The following TESK2 variants were observed in gnomAD, a reference collection of about 807,000 sequenced individuals.
TESK2 encodes the protein testis associated actin remodelling kinase 2.
In TESK2, 39 loss-of-function variants were observed where a neutral mutation model predicts 57.1. The observed-to-expected ratio is 0.68, with a 90% CI of 0.53 to 0.89. The LOEUF is 0.89. TESK2 is among the 40% of genes least tolerant of loss of function. TESK2 has a pLI of 0.00. For missense variants in TESK2, 646 were observed against 732.1 expected, an observed-to-expected ratio of 0.88 and a Z score of 1.36; for synonymous variants, 249 against 267.9, an observed-to-expected ratio of 0.93 and a Z score of 0.69.
chr1:45,424,705 A>C (rs1343668913), intron 2 of TESK2, among the ~76,000 whole-genome samples: 2 of 152,200 alleles, frequency 1.3e-5, no homozygotes, highest in African/African-American at 2.4e-5. Context: ...AACCCATGAA[A>C]AGATCATTCA....
At chr1:45,451,166 A>G (rs962868524) in intron 2 of TESK2, among the ~76,000 whole-genome samples, 1 of 152,096 alleles carries the variant, frequency 6.6e-6, no homozygotes, top group African/African-American at 2.4e-5. Context: ...GGGAGCTGTT[A>G]ATTATTCTAA....
chr1:45,344,185 T>C lies in TESK2; in HGVS notation c.*655A>G, dbSNP rs539949694. On this transcript the variant is annotated 3_prime_UTR_variant, in exon 11 of 11. Coordinates refer to ENST00000372086, the MANE Select transcript of TESK2 (RefSeq NM_007170.3). The stretch of plus-strand genomic sequence containing the variant: ...CCCAACCACAAGGTTGAAAGTCTTA[T>C]GGGGCAGAACATTAAGACTCCTTTA... 7.4e-5 allele frequency: 12 copies of C among 161,656 alleles called. No individual in the cohort carries two copies. In the South Asian group the frequency reaches 1.4e-3, roughly 18 times the overall value. The allele number at this position is 161,656 out of a possible 1,614,324, so 10.0% of individuals were successfully genotyped here.
At chr1:45,346,248 T>A (rs1482778841) in intron 9 of TESK2, among the ~76,000 whole-genome samples, 1 of 152,220 alleles carries the variant, frequency 6.6e-6, no homozygotes, top group Non-Finnish European at 1.5e-5. Flanking sequence ...ATTAGTTTAT[T>A]CTGTTCTTGA....
intron 4 of TESK2, among the ~76,000 whole-genome samples, chr1:45,384,100 G>A (rs1307934727): frequency 6.6e-6 from 1 of 152,104 alleles, no homozygotes; most frequent in Non-Finnish European, 1.5e-5. Context: ...TACTAAATAA[G>A]TATTTTATAT....
In TESK2 at chr1:45,462,247, C is replaced by A. The variant is rs373510054; in HGVS notation, c.-86-4376G>T. 3.3e-5 allele frequency among the ~76,000 whole-genome samples: 5 copies of A among 152,002 alleles called. No homozygotes were observed. In the South Asian group the frequency reaches 6.3e-4, roughly 19 times the overall value. ...TTAACATGATGTCCTCAAGTTCCAT[C>A]CATGCTGTTGCAAAAAAAGGGATCT... On this transcript the variant is annotated intron_variant, in intron 1 of 10. Transcript: ENST00000372086.
intron 1 of TESK2, among the ~76,000 whole-genome samples, chr1:45,468,629 T>C (rs1474324512): frequency 6.6e-6 from 1 of 152,208 alleles, no homozygotes; most frequent in Non-Finnish European, 1.5e-5. Context: ...TGGTCTTATA[T>C]ATTGAGTATT....
At chr1:45,366,520 C>G (rs541869730) in intron 4 of TESK2, among the ~76,000 whole-genome samples, 6 of 152,198 alleles carry the variant, frequency 3.9e-5, no homozygotes, top group Admixed American at 2.0e-4. Context: ...ATTGCTTGAG[C>G]CCAGGAGTTC....
At chr1:45,355,541 G>A in intron 4 of TESK2, 92 bp from the exon 5 acceptor site, 2 of 1,446,606 alleles carry the variant, frequency 1.4e-6, no homozygotes, top group Non-Finnish European at 1.9e-6. Flanking sequence ...GGAAGAGAGA[G>A]ACTGTATTTT....
In TESK2 at chr1:45,355,308, A is replaced by G. The variant is rs377671405; in HGVS notation, c.535T>C (p.Ser179Pro). The change falls in exon 5 of 11, where the codon TCT (serine) becomes CCT (proline). Residue 179 changes from serine (S) to proline (P), a missense_variant. Coordinates refer to ENST00000372086, the MANE Select transcript of TESK2 (RefSeq NM_007170.3). ...FKGIFHRDLTSKNCLIKRDEN... is the reference protein window; with the variant it reads ...FKGIFHRDLTPKNCLIKRDEN... ...TGAGAGTAAAGCCTTCATACCTTAG[A>G]TGTGAGGTCCCGATGAAAAATGCCT... The G allele has an allele frequency of 3.7e-6, 6 of 1,613,926 alleles. No individual in the cohort carries two copies. In the African/African-American group the frequency reaches 8.0e-5, roughly 22 times the overall value.
rs567347054 is a variant in TESK2 at position 45,361,272 on chromosome 1, G to A, written c.394-5823C>T. Among the ~76,000 whole-genome samples, 5 of 152,324 alleles carry A rather than the reference G, an allele frequency of 3.3e-5. No homozygotes were observed. The South Asian group carries it at 6.2e-4, about 19-fold the overall frequency. On this transcript the variant is annotated intron_variant, in intron 4 of 10. Transcript: ENST00000372086. Reference sequence around the variant, plus strand: ...CTGCATTAGCATGTTCAGCTTTCCCGGATGGGGATAACAGCTGCTTTGCTT... The same window carrying A: ...CTGCATTAGCATGTTCAGCTTTCCCAGATGGGGATAACAGCTGCTTTGCTT...
intron 10 of TESK2, 134 bp downstream of exon 10, chr1:45,345,735 CAGTACTTT>C (rs1647133080): frequency 3.3e-6 from 3 of 898,648 alleles, no homozygotes; most frequent in African/African-American, 1.7e-5. Context: ...TTAAAAAGGC[CAGTACTTT>C]CTGCATCATC....
chr1:45,389,485 C>T (rs1344365854), intron 3 of TESK2, among the ~76,000 whole-genome samples: 1 of 152,198 alleles, frequency 6.6e-6, no homozygotes, highest in Non-Finnish European at 1.5e-5. Context: ...CCCTGAGCCA[C>T]TTCGGGACTC....
intron 1 of TESK2, among the ~76,000 whole-genome samples, chr1:45,458,973 C>T (rs1473759844): frequency 6.6e-6 from 1 of 152,138 alleles, no homozygotes; most frequent in Non-Finnish European, 1.5e-5. Flanking sequence ...TAGTGAAATG[C>T]TTTCATAAAG....
intron 2 of TESK2, among the ~76,000 whole-genome samples, chr1:45,453,445 G>T (rs1651956996): frequency 1.3e-5 from 2 of 151,882 alleles, no homozygotes; most frequent in South Asian, 2.1e-4. Context: ...ATGGGGAAAG[G>T]ACAGTCTTTT....
At chr1:45,489,186 C>G (rs981777783) in intron 1 of TESK2, among the ~76,000 whole-genome samples, 1 of 151,788 alleles carries the variant, frequency 6.6e-6, no homozygotes, top group Non-Finnish European at 1.5e-5. Context: ...CTCGAAAGCA[C>G]GTGACATTGA....
intron 1 of TESK2, among the ~76,000 whole-genome samples, chr1:45,458,495 G>A (rs929781770): frequency 6.6e-6 from 1 of 151,716 alleles, no homozygotes; most frequent in East Asian, 1.9e-4. Context: ...AACCCAGGAC[G>A]CAGGGGTTGC....
At chr1:45,443,892 T>C (rs1651546262) in intron 2 of TESK2, among the ~76,000 whole-genome samples, 1 of 152,080 alleles carries the variant, frequency 6.6e-6, no homozygotes, top group Non-Finnish European at 1.5e-5. Context: ...ATCTTAGGCT[T>C]TGAAGGCCAG....
rs367902824 is a variant in TESK2 at position 45,476,957 on chromosome 1, G to A, written c.-87+13895C>T. Among the ~76,000 whole-genome samples the A allele has an allele frequency of 4.6e-5, 7 of 151,266 alleles. No individual in the cohort carries two copies. The East Asian group carries it at 5.9e-4, about 13-fold the overall frequency. On this transcript the variant is annotated intron_variant, in intron 1 of 10. Coordinates refer to ENST00000372086, the MANE Select transcript of TESK2 (RefSeq NM_007170.3). The stretch of plus-strand genomic sequence containing the variant: ...CCCAGGATTACAGACAGGAGCCACC[G>A]CACCTGGCCGATTTTTTAATTTTTT...
At chr1:45,395,040 A>G (rs1350249251) in intron 3 of TESK2, among the ~76,000 whole-genome samples, 1 of 152,168 alleles carries the variant, frequency 6.6e-6, no homozygotes, top group Admixed American at 6.6e-5. Context: ...GACTTTGTCT[A>G]GAGACTAGAG....
Sources: gnomAD v4.1 joint callset for allele counts (sites outside exome capture counted in the v4.1 genomes callset) on GRCh38, gnomAD v4.1.1 for gene constraint, MANE v1.5 for transcripts, NCBI Gene and HGNC (gene_info 2026-07-23, HGNC 2026-07-21) for gene names.